The following GRK3 variants were observed in gnomAD, a reference collection of about 807,000 sequenced individuals.
The protein encoded by GRK3 is G protein-coupled receptor kinase 3.
GRK3 carries 54 observed loss-of-function variants against 95.7 expected under a neutral mutation model. That is an observed-to-expected ratio of 0.56 (90% CI 0.45 to 0.71). The LOEUF is 0.71. GRK3 is among the 30% of genes least tolerant of loss of function. GRK3 has a pLI of 0.00. For synonymous variants in GRK3, 281 were observed against 290.8 expected, an observed-to-expected ratio of 0.97 and a Z score of 0.34; for missense variants, 649 against 851.2, an observed-to-expected ratio of 0.76 and a Z score of 2.96.
chr22:25,683,437 G>A (rs931064752), intron 9 of GRK3, among the ~76,000 whole-genome samples: 10 of 152,184 alleles, frequency 6.6e-5, no homozygotes, highest in African/African-American at 2.4e-4. Flanking sequence ...ACTCAGCCTT[G>A]GTAGATATCA....
chr22:25,726,956 T>TGTGTGTGTGTGTGTGC lies in GRK3; in HGVS notation c.*4507_*4508insTGTGTGTGTGTGTGCG. The stretch of plus-strand genomic sequence containing the variant: ...GTGTGTGTGTGTGTGTGTGTGTGTG[T>TGTGTGTGTGTGTGTGC]GCACTTTGCAGCCCCCGAGGTGGAG... On this transcript the variant is annotated 3_prime_UTR_variant, in exon 21 of 21. Coordinates refer to ENST00000324198, the MANE Select transcript of GRK3 (RefSeq NM_005160.4). The TGTGTGTGTGTGTGTGC allele has an allele frequency of 6.7e-6, 1 of 149,080 alleles. No individual in the cohort carries two copies. The highest frequency in any genetic ancestry group is 1.4e-5 in the Non-Finnish European group (1 of 69,142). 9.2% of individuals were successfully genotyped at this position (149,080 alleles called of 1,614,324 possible). A position where few individuals can be genotyped will look rare whatever the true frequency, so the allele number is the denominator to read the frequency against.
intron 2 of GRK3, among the ~76,000 whole-genome samples, chr22:25,605,168 A>G (rs889703990): frequency 1.3e-5 from 2 of 152,224 alleles, no homozygotes; most frequent in African/African-American, 4.8e-5. Flanking sequence ...TGGTAGATAC[A>G]GTTTCTTTGA....
At chr22:25,682,073 C>T (rs142298984) in intron 9 of GRK3, among the ~76,000 whole-genome samples, 6 of 152,016 alleles carry the variant, frequency 3.9e-5, no homozygotes, top group South Asian at 2.1e-4. Context: ...CCTTCACCTG[C>T]GTGTTTATTT....
chr22:25,573,950 A>G (rs1931798034), intron 1 of GRK3, among the ~76,000 whole-genome samples: 1 of 152,068 alleles, frequency 6.6e-6, no homozygotes, highest in African/African-American at 2.4e-5. Flanking sequence ...CAACCAAACA[A>G]CAACACCAAC....
At chr22:25,630,432 G>T (rs775399431) in intron 2 of GRK3, among the ~76,000 whole-genome samples, 1 of 152,120 alleles carries the variant, frequency 6.6e-6, no homozygotes, top group Non-Finnish European at 1.5e-5. Context: ...TGTCTGATGT[G>T]CAGAGAACTG....
chr22:25,637,335 G>A (rs182954662), intron 2 of GRK3, among the ~76,000 whole-genome samples: 42 of 152,320 alleles, frequency 2.8e-4, no homozygotes, highest in African/African-American at 9.6e-4. Flanking sequence ...CCATAATCAT[G>A]TGAGCCAATT....
intron 10 of GRK3, among the ~76,000 whole-genome samples, chr22:25,685,863 C>G (rs1444998532): frequency 6.6e-6 from 1 of 150,970 alleles, no homozygotes; most frequent in African/African-American, 2.4e-5. Context: ...AACTCACATG[C>G]CTAGTTTTTT....
intron 2 of GRK3, among the ~76,000 whole-genome samples, chr22:25,626,209 G>A (rs913996308): frequency 6.6e-6 from 1 of 152,174 alleles, no homozygotes; most frequent in Non-Finnish European, 1.5e-5. Flanking sequence ...GATTACAGGC[G>A]TGAGCCACCG....
chr22:25,630,941 T>G (rs1381520351), intron 2 of GRK3, among the ~76,000 whole-genome samples: 1 of 152,206 alleles, frequency 6.6e-6, no homozygotes, highest in Non-Finnish European at 1.5e-5. Flanking sequence ...AAGTTTTAAG[T>G]CAAGAAGTAA....
At chr22:25,662,698 G>T (rs576631263) in intron 4 of GRK3, among the ~76,000 whole-genome samples, 446 of 152,320 alleles carry the variant, frequency 2.9e-3, no homozygotes, top group Non-Finnish European at 4.8e-3. Context: ...ATGCCTTGCT[G>T]CCTCAGTAGG....
chr22:25,626,241 C>T (rs911994974), intron 2 of GRK3, among the ~76,000 whole-genome samples: 1 of 152,130 alleles, frequency 6.6e-6, no homozygotes, highest in African/African-American at 2.4e-5. Context: ...TGATGATTCT[C>T]TTAGTGTGAA....
At chr22:25,697,856 ATC>A (rs2085221988) in intron 13 of GRK3, among the ~76,000 whole-genome samples, 1 of 152,048 alleles carries the variant, frequency 6.6e-6, no homozygotes, top group Non-Finnish European at 1.5e-5. Context: ...GATTAGATGA[ATC>A]TCCCCCACTA....
At chr22:25,611,523 G>A (rs888606869) in intron 2 of GRK3, among the ~76,000 whole-genome samples, 1 of 152,180 alleles carries the variant, frequency 6.6e-6, no homozygotes, top group Non-Finnish European at 1.5e-5. Flanking sequence ...TGAATGGATA[G>A]GAAGTGGTAT....
At chr22:25,712,278 C>G (rs1347323683) in intron 17 of GRK3, among the ~76,000 whole-genome samples, 4 of 152,236 alleles carry the variant, frequency 2.6e-5, no homozygotes, top group Admixed American at 2.0e-4. Context: ...GGACACCCTT[C>G]TGTGGTCTGG....
intron 3 of GRK3, among the ~76,000 whole-genome samples, chr22:25,655,231 G>A (rs911650828): frequency 2.6e-5 from 4 of 151,996 alleles, no homozygotes; most frequent in Non-Finnish European, 5.9e-5. Flanking sequence ...TGCGTATCCT[G>A]GCATTCAAAG....
At chr22:25,604,708 A>C (rs776100232) in intron 2 of GRK3, among the ~76,000 whole-genome samples, 2 of 152,228 alleles carry the variant, frequency 1.3e-5, no homozygotes, top group Non-Finnish European at 2.9e-5. Flanking sequence ...ATGTAAGAGA[A>C]TAGGATATTC....
At chr22:25,598,291 G>C (rs967555358) in intron 1 of GRK3, among the ~76,000 whole-genome samples, 2 of 152,090 alleles carry the variant, frequency 1.3e-5, no homozygotes, top group African/African-American at 2.4e-5. Context: ...ATCTAGGAGG[G>C]GAGATAAAAA....
chr22:25,681,092 T>C (rs907765295), intron 9 of GRK3, among the ~76,000 whole-genome samples: 4 of 152,166 alleles, frequency 2.6e-5, no homozygotes, highest in African/African-American at 9.7e-5. Context: ...CATAAGCGTG[T>C]CCACAGCTGT....
intron 11 of GRK3, among the ~76,000 whole-genome samples, chr22:25,688,495 C>T (rs368369952): frequency 1.8e-3 from 273 of 152,222 alleles, no homozygotes; most frequent in African/African-American, 5.8e-3. Flanking sequence ...AACCAGCCTG[C>T]GGAATTTCTC....
Sources: gnomAD v4.1 joint callset for allele counts (sites outside exome capture counted in the v4.1 genomes callset) on GRCh38, gnomAD v4.1.1 for gene constraint, MANE v1.5 for transcripts, NCBI Gene and HGNC (gene_info 2026-07-23, HGNC 2026-07-21) for gene names.